Variants in MAX observed in about 807,000 individuals in gnomAD.
The protein encoded by MAX is MYC associated transcriptional regulator X.
In MAX, 3 loss-of-function variants were observed where a neutral mutation model predicts 22.3. That is an observed-to-expected ratio of 0.13 (90% CI 0.06 to 0.35). MAX has a LOEUF of 0.35. Among genes scored for constraint, MAX ranks in the 10% least tolerant of loss-of-function variants. MAX has a pLI of 1.00. For synonymous variants in MAX, 72 were observed against 77.7 expected (o/e 0.93, Z 0.39); for missense variants, 119 against 209.4 (o/e 0.57, Z 2.66).
chr14:65,089,521 CT>C (rs2063437065), intron 3 of MAX, among the ~76,000 whole-genome samples: 1 of 151,848 alleles, frequency 6.6e-6, no homozygotes, highest in Non-Finnish European at 1.5e-5. Context: ...AAATAACCTA[CT>C]GCTAAAGCCA....
chr14:65,067,337 T>C (rs1242802219), intron 3 of MAX, among the ~76,000 whole-genome samples: 2 of 152,208 alleles, frequency 1.3e-5, no homozygotes, highest in African/African-American at 2.4e-5. Flanking sequence ...TTTGCCATAA[T>C]GAATGAACCA....
chr14:65,092,751 G>A (rs2063545000), intron 3 of MAX, among the ~76,000 whole-genome samples: 1 of 152,198 alleles, frequency 6.6e-6, no homozygotes, highest in African/African-American at 2.4e-5. Flanking sequence ...TATAAAAAAT[G>A]AAAGCATAAG....
intron 3 of MAX, among the ~76,000 whole-genome samples, chr14:65,024,103 TAAA>T (rs557949276): frequency 4.6e-5 from 6 of 129,702 alleles, no homozygotes; most frequent in African/African-American, 1.2e-4. Flanking sequence ...CTCCATCTCC[TAAA>T]AAAAAAAAAA....
intron 3 of MAX, among the ~76,000 whole-genome samples, chr14:65,089,583 C>T (rs777353221): frequency 4.0e-5 from 6 of 151,772 alleles, no homozygotes; most frequent in Admixed American, 2.0e-4. Context: ...GGCTCAGGTA[C>T]TGGGGCTTAT....
rs952440544 is a variant in MAX at position 65,014,378 on chromosome 14, C to T, written c.172-8094G>A. Reference sequence around the variant, plus strand: ...GTCTCTTCCACGTGCTCCCTCAAAACTCTGTTTTCGTCCATTACAGCATTT... The same window carrying T: ...GTCTCTTCCACGTGCTCCCTCAAAATTCTGTTTTCGTCCATTACAGCATTT... On this transcript the variant is annotated intron_variant, in intron 3 of 3. Transcript: ENST00000341653. The surrounding 1 kb of genome is among the most constrained non-coding windows in gnomAD (Gnocchi z 5.1). Among the ~76,000 whole-genome samples, 40 of 152,304 alleles carry T rather than the reference C, an allele frequency of 2.6e-4. No homozygotes were observed. The highest frequency in any genetic ancestry group is 9.6e-4 in the African/African-American group (40 of 41,568).
Position 65,076,166 on chromosome 14 carries a change from C to G in MAX, c.*310G>C. 2.2e-6 allele frequency: 3 copies of G among 1,372,990 alleles called. No homozygotes were observed. The highest frequency in any genetic ancestry group is 1.6e-5 in the South Asian group (1 of 62,008). The allele number at this position is 1,372,990 out of a possible 1,614,324, so 85.1% of individuals were successfully genotyped here. On this transcript the variant is annotated 3_prime_UTR_variant, in exon 5 of 5. Coordinates refer to ENST00000358664, the MANE Select transcript of MAX (RefSeq NM_002382.5). This position sits in a 1 kb window ranked among gnomAD's most constrained non-coding sequence, Gnocchi z 6.6. Reference sequence around the variant, plus strand: ...TAGGGTGGGCAGGACACTATGTGCTCAGAGGTCCGGCCGGCCGTCTGTCCT... The same window carrying G: ...TAGGGTGGGCAGGACACTATGTGCTGAGAGGTCCGGCCGGCCGTCTGTCCT...
intron 3 of MAX, among the ~76,000 whole-genome samples, chr14:65,018,195 G>C (rs1175274421): frequency 6.6e-6 from 1 of 152,022 alleles, no homozygotes; most frequent in East Asian, 1.9e-4. Context: ...AATAAAAATA[G>C]CTGGGCGTGG....
chr14:65,035,052 C>T (rs1261735486), intron 3 of MAX, among the ~76,000 whole-genome samples: 1 of 152,244 alleles, frequency 6.6e-6, no homozygotes, highest in Admixed American at 6.5e-5. Flanking sequence ...TATGTGGAAA[C>T]TTGAACTGAG....
chr14:65,044,516 G>A lies in MAX; in HGVS notation c.172-38232C>T, dbSNP rs975484730. On this transcript the variant is annotated intron_variant, in intron 3 of 3. Transcript: ENST00000341653. The surrounding 1 kb of genome is among the most constrained non-coding windows in gnomAD (Gnocchi z 5.5). ...TACTCACAAAGTCTGGAAGCCCAGC[G>A]TGCTTTTTTAGAGGGGTTGAAATGA... 20 of 1,547,808 alleles carry A rather than the reference G, an allele frequency of 1.3e-5. No individual in the cohort carries two copies. The highest frequency in any genetic ancestry group is 2.5e-5 in the South Asian group (2 of 80,176).
intron 3 of MAX, among the ~76,000 whole-genome samples, chr14:65,040,579 T>TAC (rs1310083087): frequency 6.6e-6 from 1 of 150,652 alleles, no homozygotes. Context: ...CAGCTGGGAT[T>TAC]ACACATGGGT....
chr14:65,076,189 C>G lies in MAX; in HGVS notation c.*287G>C. 7.1e-7 allele frequency: 1 copy of G among 1,408,666 alleles called. No individual in the cohort carries two copies. Among genetic ancestry groups the G allele is most frequent in the Non-Finnish European group, 9.2e-7 (1 of 1,085,578 alleles). 87.3% of individuals were successfully genotyped at this position (1,408,666 alleles called of 1,614,324 possible). ...CTCAGAGGTCCGGCCGGCCGTCTGT[C>G]CTCCACAGAAAAAGCTGCCAAGTTG... On this transcript the variant is annotated 3_prime_UTR_variant, in exon 5 of 5. Transcript: ENST00000358664. The surrounding 1 kb of genome is among the most constrained non-coding windows in gnomAD (Gnocchi z 6.6).
intron 3 of MAX, among the ~76,000 whole-genome samples, chr14:65,020,220 C>T (rs936824978): frequency 2.0e-5 from 3 of 152,200 alleles, no homozygotes; most frequent in African/African-American, 7.2e-5. Flanking sequence ...GCCAGCAAGG[C>T]GAGGTTGTTA....
chr14:65,061,096 G>C, intron 3 of MAX: 1 of 1,558,088 alleles, frequency 6.4e-7, no homozygotes, highest in South Asian at 1.2e-5. Flanking sequence ...TAAATTCTTA[G>C]AAGTGCCTTT....
At chr14:65,066,897 C>T (rs377573978) in intron 3 of MAX, among the ~76,000 whole-genome samples, 7 of 146,534 alleles carry the variant, frequency 4.8e-5, no homozygotes, top group South Asian at 4.3e-4. Flanking sequence ...TTTTTTAGTT[C>T]GGGTGTGATG....
intron 3 of MAX, among the ~76,000 whole-genome samples, chr14:65,024,594 T>G (rs72625659): frequency 0.085 from 12,882 of 152,258 alleles, 755 homozygotes; most frequent in East Asian, 0.3. Context: ...ATGAAATGCC[T>G]TGCTGACGTT....
In MAX at chr14:65,011,471, A is replaced by C. The variant is rs73268773; in HGVS notation, c.172-5187T>G. On this transcript the variant is annotated intron_variant, in intron 3 of 3. Transcript: ENST00000341653. The surrounding 1 kb of genome is among the most constrained non-coding windows in gnomAD (Gnocchi z 4.0). ...AAAAAAAGACTGCATGAAGGCTCTT[A>C]CTCTGAGCCAAGTACAGTGGGAATT... Among the ~76,000 whole-genome samples, 1,570 of 150,388 alleles carry C rather than the reference A, an allele frequency of 0.01. 26 individuals are homozygous for C. The highest frequency in any genetic ancestry group is 0.08 in the East Asian group (407 of 5,094).
rs1555335876 is a variant in MAX, at chr14:65,037,403, C to CTTTTTTTTTTTTTTTTTTTTTTTTTTT, written c.172-31146_172-31120dup. ...TAGGCGTGAGCCACCACGCCGGGCC[C>CTTTTTTTTTTTTTTTTTTTTTTTTTTT]TTTTTTTTTTTTTTTTTTTTTTTTT... On this transcript the variant is annotated intron_variant, in intron 3 of 3. Coordinates refer to the MAX transcript ENST00000341653. Among the ~76,000 whole-genome samples, 9 of 29,646 alleles carry CTTTTTTTTTTTTTTTTTTTTTTTTTTT rather than the reference C, an allele frequency of 3.0e-4. 3 individuals carry two copies. The highest frequency in any genetic ancestry group is 1.3e-3 in the Admixed American group (3 of 2,366). 19.4% of individuals were successfully genotyped at this position (29,646 alleles called of 152,430 possible). A position where few individuals can be genotyped will look rare whatever the true frequency, so the allele number is the denominator to read the frequency against.
rs184165107 is a variant in MAX, at chr14:65,089,499, T to C, written c.171+4209A>G. On this transcript the variant is annotated intron_variant, in intron 3 of 4. Transcript: ENST00000358664. ...CTATAAACCACTGTAGAGCTACAAA[T>C]GGCAATGATGAAAATAACCTACTGC... Among the ~76,000 whole-genome samples, 31 of 151,992 alleles carry C rather than the reference T, an allele frequency of 2.0e-4. No individual in the cohort carries two copies. In the East Asian group the frequency reaches 5.8e-3, roughly 28 times the overall value.
chr14:65,061,369 A>C, intron 3 of MAX: 4 of 1,607,288 alleles, frequency 2.5e-6, no homozygotes, highest in Non-Finnish European at 3.4e-6. Flanking sequence ...GACAAGGTTT[A>C]TACGTTTCAA....
Sources: allele counts gnomAD v4.1 joint callset (sites outside exome capture counted in the v4.1 genomes callset), GRCh38; gene constraint gnomAD v4.1.1; non-coding constraint Gnocchi (gnomAD v3.1); transcripts MANE v1.5; gene names NCBI Gene and HGNC (gene_info 2026-07-23, HGNC 2026-07-21).